ADAMTS12: variants seen among roughly 807,000 people sequenced by gnomAD.
The protein encoded by ADAMTS12 is ADAM metallopeptidase with thrombospondin type 1 motif 12.
Under a neutral mutation model 167.8 loss-of-function variants are expected in ADAMTS12, and 118 were observed. That is an observed-to-expected ratio of 0.70 (90% CI 0.61 to 0.82). The LOEUF is 0.82. Among genes scored for constraint, ADAMTS12 ranks in the 40% least tolerant of loss-of-function variants. The probability of loss-of-function intolerance (pLI) is 0.00; values close to 1 mark genes in which losing one functional copy is unlikely to be tolerated. For synonymous variants in ADAMTS12, 704 were observed against 716.9 expected (o/e 0.98, Z 0.29); for missense variants, 1,916 against 1,998.8 (o/e 0.96, Z 0.79).
chr5:33,842,094 C>T (rs879386801), intron 2 of ADAMTS12, among the ~76,000 whole-genome samples: 2 of 152,176 alleles, frequency 1.3e-5, no homozygotes, highest in African/African-American at 4.8e-5. Flanking sequence ...TCTCCTTAAC[C>T]ATCTCTCAGC....
intron 2 of ADAMTS12, among the ~76,000 whole-genome samples, chr5:33,849,137 A>G (rs1579989556): frequency 9.7e-6 from 1 of 103,080 alleles, no homozygotes; most frequent in African/African-American, 3.9e-5. Flanking sequence ...ATATATATAT[A>G]TGTATTGCAT....
At chr5:33,806,108 A>G (rs997576624) in intron 2 of ADAMTS12, among the ~76,000 whole-genome samples, 1 of 152,250 alleles carries the variant, frequency 6.6e-6, no homozygotes, top group African/African-American at 2.4e-5. Context: ...TTATTCTTCC[A>G]TCTACTAGCT....
chr5:33,751,294 A>G (rs1561251677), intron 3 of ADAMTS12, 110 bp downstream of exon 3: 2 of 1,354,280 alleles, frequency 1.5e-6, no homozygotes, highest in Non-Finnish European at 2.1e-6. Context: ...TAAAAAAAAA[A>G]GAATACAGAG....
chr5:33,587,230 T>A (rs1369669523), intron 18 of ADAMTS12, among the ~76,000 whole-genome samples: 1 of 152,218 alleles, frequency 6.6e-6, no homozygotes, highest in Non-Finnish European at 1.5e-5. Context: ...TATCTTTGCT[T>A]ACACAAATTT....
intron 14 of ADAMTS12, among the ~76,000 whole-genome samples, chr5:33,620,140 A>G (rs190226531): frequency 1.2e-3 from 177 of 152,370 alleles, no homozygotes; most frequent in African/African-American, 4.0e-3. Flanking sequence ...GCATAGCTGT[A>G]GTGATGGCTT....
chr5:33,797,957 T>C (rs977760490), intron 2 of ADAMTS12, among the ~76,000 whole-genome samples: 1 of 152,230 alleles, frequency 6.6e-6, no homozygotes, highest in African/African-American at 2.4e-5. Context: ...ATAGCAAGTA[T>C]AGACTTGAAG....
At chr5:33,531,413 G>T (rs1212737944) in intron 23 of ADAMTS12, among the ~76,000 whole-genome samples, 1 of 152,182 alleles carries the variant, frequency 6.6e-6, no homozygotes, top group Non-Finnish European at 1.5e-5. Context: ...CACACACTAG[G>T]CAATGTTTGA....
intron 2 of ADAMTS12, among the ~76,000 whole-genome samples, chr5:33,850,691 A>G (rs1749190627): frequency 6.6e-6 from 1 of 152,080 alleles, no homozygotes; most frequent in Non-Finnish European, 1.5e-5. Context: ...TCTCACCTTC[A>G]TATTTTTTGA....
chr5:33,738,307 A>AT (rs11430099), intron 3 of ADAMTS12, among the ~76,000 whole-genome samples: 77,371 of 150,072 alleles, frequency 0.52, 22,305 homozygotes, highest in Non-Finnish European at 0.66. Flanking sequence ...CTGCCCTTTG[A>AT]TTTTTTTTTT....
rs773736825 is a variant in ADAMTS12 at position 33,588,778 on chromosome 5, CCG to C, written c.2684_2685del (p.Ser895CysfsTer22). The C allele has an allele frequency of 6.2e-7, 1 of 1,613,758 alleles. No homozygotes were observed. Among genetic ancestry groups the C allele is most frequent in the South Asian group, 1.1e-5 (1 of 91,060 alleles). ...TTCTCCCCGTGGGGCCCGCATGTCGCCGAGCATGCTTCCCACTCCCCTGCCCA... is the reference window on the plus strand; with the variant it reads ...TTCTCCCCGTGGGGCCCGCATGTCGCAGCATGCTTCCCACTCCCCTGCCCA... The part of the protein sequence containing the change: ...RWWAGEWEAC[S>X]ATCGPHGEKK... On this transcript the variant is annotated frameshift_variant, in exon 18 of 24. Transcript: ENST00000504830. LOFTEE classifies it high-confidence loss of function.
intron 2 of ADAMTS12, among the ~76,000 whole-genome samples, chr5:33,844,830 G>T (rs1047373357): frequency 1.3e-5 from 2 of 152,118 alleles, no homozygotes; most frequent in African/African-American, 4.8e-5. Context: ...GAAATGTGAT[G>T]CCTCCCCCGG....
intron 13 of ADAMTS12, among the ~76,000 whole-genome samples, chr5:33,625,675 T>A (rs1739554053): frequency 6.6e-6 from 1 of 152,170 alleles, no homozygotes; most frequent in Non-Finnish European, 1.5e-5. Flanking sequence ...ATTTCTAAAG[T>A]AATATTTGCC....
chr5:33,795,506 G>A (rs902240345), intron 2 of ADAMTS12, among the ~76,000 whole-genome samples: 1 of 152,060 alleles, frequency 6.6e-6, no homozygotes, highest in Admixed American at 6.6e-5. Flanking sequence ...ATCTATTCAC[G>A]TAGCACTGAA....
chr5:33,700,470 A>G (rs1013945212), intron 3 of ADAMTS12, among the ~76,000 whole-genome samples: 6 of 152,212 alleles, frequency 3.9e-5, no homozygotes, highest in Non-Finnish European at 2.9e-5. Flanking sequence ...ACATTTTTAA[A>G]TGACAAAATT....
intron 3 of ADAMTS12, among the ~76,000 whole-genome samples, chr5:33,735,133 C>T (rs1163460068): frequency 6.6e-6 from 1 of 152,220 alleles, no homozygotes; most frequent in African/African-American, 2.4e-5. Flanking sequence ...CCAACCCTTA[C>T]TGATGAAGAA....
chr5:33,583,815 C>A (rs1747200714), intron 18 of ADAMTS12, among the ~76,000 whole-genome samples: 1 of 152,130 alleles, frequency 6.6e-6, no homozygotes, highest in Non-Finnish European at 1.5e-5. Flanking sequence ...CTATTGAAAT[C>A]TTTTGTGAAA....
At chr5:33,680,507 T>C (rs1742071747) in intron 5 of ADAMTS12, among the ~76,000 whole-genome samples, 1 of 3,468 alleles carries the variant, frequency 2.9e-4, no homozygotes, top group South Asian at 0.031. Flanking sequence ...AGTAGCTTTC[T>C]TCTTCTTTTT....
intron 12 of ADAMTS12, among the ~76,000 whole-genome samples, chr5:33,633,825 A>C (rs1740070743): frequency 1.3e-5 from 2 of 152,104 alleles, no homozygotes; most frequent in Non-Finnish European, 2.9e-5. Context: ...AGAGTTGAGT[A>C]CTTTCCTTGT....
At chr5:33,758,660 G>A (rs1486187359) in intron 2 of ADAMTS12, among the ~76,000 whole-genome samples, 2 of 152,194 alleles carry the variant, frequency 1.3e-5, no homozygotes, top group African/African-American at 4.8e-5. Flanking sequence ...GGGGTAGGCA[G>A]TATCTGATGG....
Sources: allele counts gnomAD v4.1 joint callset (sites outside exome capture counted in the v4.1 genomes callset), GRCh38; gene constraint gnomAD v4.1.1; transcripts MANE v1.5; gene names NCBI Gene and HGNC (gene_info 2026-07-23, HGNC 2026-07-21).